Variants in MAGI2 observed in about 807,000 individuals in gnomAD.
MAGI2 encodes the protein membrane associated guanylate kinase, WW and PDZ domain containing 2.
Under a neutral mutation model 133.3 loss-of-function variants are expected in MAGI2, and 35 were observed. The ratio of observed to expected loss-of-function variants is 0.26; its 90% CI spans 0.20 to 0.35. The LOEUF (loss-of-function observed/expected upper bound fraction) is 0.35, where lower values mean the gene tolerates loss of function less well. MAGI2 is among the 10% of genes least tolerant of loss of function. MAGI2 has a pLI of 1.00. For synonymous variants in MAGI2, 729 were observed against 710.6 expected, an observed-to-expected ratio of 1.03 and a Z score of -0.41; for missense variants, 1,636 against 1,863.4, an observed-to-expected ratio of 0.88 and a Z score of 2.25.
At chr7:78,485,736 A>G (rs1792929927) in intron 6 of MAGI2, 1 of 152,062 alleles carries the variant, frequency 6.6e-6, no homozygotes, top group African/African-American at 2.4e-5. Context: ...ATTCATAAAT[A>G]GTAAGCACAC....
intron 2 of MAGI2, among the ~76,000 whole-genome samples, chr7:78,751,265 T>C (rs1823431540): frequency 6.6e-6 from 1 of 152,250 alleles, no homozygotes; most frequent in Non-Finnish European, 1.5e-5. Context: ...AATTTTTCAA[T>C]ATTTTCCAGC....
At chr7:78,728,086 T>C (rs1820994815) in intron 2 of MAGI2, among the ~76,000 whole-genome samples, 1 of 152,180 alleles carries the variant, frequency 6.6e-6, no homozygotes, top group South Asian at 2.1e-4. Context: ...TATAACTAGA[T>C]ACTATCTTAT....
chr7:79,080,076 T>A (rs573447951), intron 1 of MAGI2, among the ~76,000 whole-genome samples: 1 of 152,166 alleles, frequency 6.6e-6, no homozygotes, highest in Non-Finnish European at 1.5e-5. Context: ...ATTTCTCTCA[T>A]AATTACTTAA....
intron 1 of MAGI2, among the ~76,000 whole-genome samples, chr7:79,291,405 C>T (rs1836474478): frequency 6.6e-6 from 1 of 152,068 alleles, no homozygotes; most frequent in Non-Finnish European, 1.5e-5. Context: ...TGGACATATG[C>T]TTTCAATTTC....
chr7:79,350,171 A>T (rs1260063325), intron 1 of MAGI2, among the ~76,000 whole-genome samples: 1 of 152,140 alleles, frequency 6.6e-6, no homozygotes, highest in East Asian at 1.9e-4. Flanking sequence ...CATGAAATAA[A>T]ATTAAAAAGC....
intron 12 of MAGI2, among the ~76,000 whole-genome samples, chr7:78,187,028 A>T (rs1413079386): frequency 3.3e-5 from 5 of 152,172 alleles, no homozygotes; most frequent in Admixed American, 6.6e-5. Flanking sequence ...ATGCTGAGTT[A>T]CTTCTATCTG....
Position 78,724,560 on chromosome 7 carries a change from T to A in MAGI2, c.419-97321A>T, listed in dbSNP as rs1820576686. On this transcript the variant is annotated intron_variant, in intron 2 of 21. Transcript: ENST00000354212. ...TGCATTAAAGTATGGGCGCCCTTAT[T>A]TAGTTTGTGGAGTTCTCTATTCTGG... is the stretch of plus-strand genomic sequence containing the variant. Among the ~76,000 whole-genome samples, 2 of 152,156 alleles carry A rather than the reference T, an allele frequency of 1.3e-5. 1 individual carries two copies. Among genetic ancestry groups the A allele is most frequent in the South Asian group, 4.1e-4 (2 of 4,820 alleles).
At chr7:78,459,327 T>A (rs1326114522) in intron 6 of MAGI2, among the ~76,000 whole-genome samples, 2 of 152,222 alleles carry the variant, frequency 1.3e-5, no homozygotes, top group East Asian at 3.8e-4. Flanking sequence ...ACACTTTGCA[T>A]AAACTTTGGT....
intron 2 of MAGI2, among the ~76,000 whole-genome samples, chr7:78,935,524 T>C (rs1255939730): frequency 6.6e-6 from 1 of 152,120 alleles, no homozygotes; most frequent in Non-Finnish European, 1.5e-5. Context: ...AATTTATTGT[T>C]CCTTATGTTC....
intron 1 of MAGI2, among the ~76,000 whole-genome samples, chr7:79,060,600 G>GT (rs1442350545): frequency 1.3e-5 from 2 of 152,050 alleles, no homozygotes; most frequent in Admixed American, 1.3e-4. Flanking sequence ...AAGAGGAAGC[G>GT]TAAGTCAGGA....
intron 1 of MAGI2, among the ~76,000 whole-genome samples, chr7:79,145,938 G>A (rs536657692): frequency 6.6e-6 from 1 of 152,178 alleles, no homozygotes; most frequent in Non-Finnish European, 1.5e-5. Flanking sequence ...CAGCTATCTT[G>A]ATTTGGGGCA....
chr7:78,061,217 G>A (rs1813219072), intron 21 of MAGI2, among the ~76,000 whole-genome samples: 1 of 151,300 alleles, frequency 6.6e-6, no homozygotes, highest in Admixed American at 6.6e-5. Flanking sequence ...TTTTGAGTGG[G>A]GCAATCCTTT....
At chr7:79,211,467 T>G (rs34521167) in intron 1 of MAGI2, among the ~76,000 whole-genome samples, 2 of 131,744 alleles carry the variant, frequency 1.5e-5, no homozygotes, top group East Asian at 2.4e-4. Context: ...TTCTTTTTTG[T>G]TTTTTTTTTT....
intron 1 of MAGI2, among the ~76,000 whole-genome samples, chr7:79,165,668 A>G (rs1824837115): frequency 6.6e-6 from 1 of 152,082 alleles, no homozygotes. Context: ...CCACAGACAC[A>G]TATTTCCTGT....
intron 1 of MAGI2, 92 bp downstream of exon 1, chr7:79,452,928 C>T (rs1397505654): frequency 1.5e-6 from 2 of 1,374,832 alleles, no homozygotes; most frequent in African/African-American, 1.4e-5. Context: ...GCGCAACACA[C>T]CCCCTTCAAC....
intron 1 of MAGI2, among the ~76,000 whole-genome samples, chr7:79,392,138 T>C (rs1844704065): frequency 6.6e-6 from 1 of 152,280 alleles, no homozygotes; most frequent in African/African-American, 2.4e-5. Context: ...GTTAGTTTGC[T>C]GAGAATGATG....
intron 21 of MAGI2, among the ~76,000 whole-genome samples, chr7:78,074,178 A>T (rs1316384112): frequency 6.6e-6 from 1 of 152,142 alleles, no homozygotes; most frequent in Non-Finnish European, 1.5e-5. Context: ...CCTGACGTTT[A>T]GTCTTTGGGT....
chr7:78,290,246 G>A (rs924545567), intron 9 of MAGI2, among the ~76,000 whole-genome samples: 2 of 152,092 alleles, frequency 1.3e-5, no homozygotes, highest in African/African-American at 4.8e-5. Context: ...CAAATTAAAG[G>A]GATGGAGGAA....
intron 2 of MAGI2, among the ~76,000 whole-genome samples, chr7:78,693,195 C>A (rs909646512): frequency 6.6e-6 from 1 of 152,136 alleles, no homozygotes; most frequent in Non-Finnish European, 1.5e-5. Context: ...ATCTCAGCTT[C>A]CTTGTCTGAA....
Sources: allele counts gnomAD v4.1 joint callset (sites outside exome capture counted in the v4.1 genomes callset), GRCh38; gene constraint gnomAD v4.1.1; transcripts MANE v1.5; gene names NCBI Gene and HGNC (gene_info 2026-07-23, HGNC 2026-07-21).